RBFOX2: variants seen among roughly 807,000 people sequenced by gnomAD.
RBFOX2 encodes the protein RNA binding fox-1 homolog 2.
In RBFOX2, 10 loss-of-function variants were observed where a neutral mutation model predicts 49.1. The ratio of observed to expected loss-of-function variants is 0.20; its 90% CI spans 0.13 to 0.35. The LOEUF is 0.35. Ranked by LOEUF, RBFOX2 falls within the 10% of genes least tolerant of loss-of-function variation. The pLI is 1.00. For missense variants in RBFOX2, 323 were observed against 486.9 expected (o/e 0.66, Z 3.17); for synonymous variants, 183 against 187.4 (o/e 0.98, Z 0.19).
intron 1 of RBFOX2, among the ~76,000 whole-genome samples, chr22:36,014,098 G>A (rs1171273378): frequency 2.0e-5 from 3 of 151,650 alleles, no homozygotes; most frequent in Non-Finnish European, 4.4e-5. Flanking sequence ...TGGGGCATGG[G>A]CAGGATGATA....
intron 6 of RBFOX2, among the ~76,000 whole-genome samples, 193 bp from the exon 8 acceptor site, chr22:35,761,661 G>A (rs1938924575): frequency 1.3e-5 from 2 of 152,118 alleles, no homozygotes; most frequent in Admixed American, 6.6e-5. Flanking sequence ...AGATAATGAG[G>A]GGCTGGGGCT....
chr22:35,777,131 C>T (rs1381240685), intron 4 of RBFOX2, among the ~76,000 whole-genome samples: 1 of 151,876 alleles, frequency 6.6e-6, no homozygotes, highest in African/African-American at 2.4e-5. Context: ...CCTGCCTCAG[C>T]CTCCCGAGTA....
At chr22:35,983,483 C>G (rs1026930348) in intron 1 of RBFOX2, among the ~76,000 whole-genome samples, 1 of 152,006 alleles carries the variant, frequency 6.6e-6, no homozygotes, top group Non-Finnish European at 1.5e-5. Context: ...ATAATAATTA[C>G]TTTTAGGAGA....
intron 2 of RBFOX2, among the ~76,000 whole-genome samples, chr22:35,802,225 G>A (rs770535768): frequency 5.3e-5 from 8 of 152,074 alleles, no homozygotes; most frequent in African/African-American, 1.2e-4. Flanking sequence ...ACTGAAAATG[G>A]TAGCAATAAA....
At chr22:35,959,884 G>A (rs1044223999) in intron 1 of RBFOX2, among the ~76,000 whole-genome samples, 3 of 152,144 alleles carry the variant, frequency 2.0e-5, no homozygotes, top group Non-Finnish European at 2.9e-5. Flanking sequence ...TAATAGCACA[G>A]TATTTACATA....
intron 1 of RBFOX2, among the ~76,000 whole-genome samples, chr22:35,852,957 G>T (rs2148996276): frequency 1.3e-5 from 2 of 152,234 alleles, no homozygotes; most frequent in Middle Eastern, 6.8e-3. Context: ...AATTCTTCTA[G>T]ACTATACATA....
At chr22:35,832,264 T>C (rs756821300) in intron 1 of RBFOX2, among the ~76,000 whole-genome samples, 8 of 151,874 alleles carry the variant, frequency 5.3e-5, no homozygotes, top group Non-Finnish European at 1.2e-4. Flanking sequence ...TCCCAGCTAC[T>C]TGGGAGGCTG....
At chr22:36,028,081 C>T (rs891978210) in intron 1 of RBFOX2, among the ~76,000 whole-genome samples, 159 bp downstream of exon 1, 18 of 152,248 alleles carry the variant, frequency 1.2e-4, no homozygotes, top group South Asian at 2.1e-4. Flanking sequence ...CGTTCCTAGC[C>T]CGAGCTCGCC....
intron 2 of RBFOX2, among the ~76,000 whole-genome samples, chr22:35,792,325 AAAAAAAAAAGAAAAGAAAAG>A: frequency 7.3e-6 from 1 of 137,208 alleles, no homozygotes; most frequent in Middle Eastern, 3.5e-3. Context: ...CAAAAAAAAA[AAAAAAAAAAGAAAAGAAAAG>A]AAAAGAAAAG....
chr22:35,919,170 T>C (rs1010705748), intron 1 of RBFOX2, among the ~76,000 whole-genome samples: 1 of 152,188 alleles, frequency 6.6e-6, no homozygotes, highest in African/African-American at 2.4e-5. Context: ...GTATACAGAA[T>C]AGGCAAAATC....
At chr22:35,898,416 A>G in intron 1 of RBFOX2, 3 of 376,276 alleles carry the variant, frequency 8.0e-6, no homozygotes, top group South Asian at 6.2e-5. Context: ...TTCTCCCACA[A>G]TCCTTTTTTT....
intron 1 of RBFOX2, among the ~76,000 whole-genome samples, chr22:35,932,764 C>A (rs2052577929): frequency 6.6e-6 from 1 of 152,098 alleles, no homozygotes; most frequent in Non-Finnish European, 1.5e-5. Flanking sequence ...GTCTGTAATC[C>A]CAGCTACTCA....
At chr22:36,007,284 CATA>C (rs1415461532) in intron 1 of RBFOX2, among the ~76,000 whole-genome samples, 7 of 151,100 alleles carry the variant, frequency 4.6e-5, no homozygotes, top group African/African-American at 9.7e-5. Context: ...AATATAAATA[CATA>C]ATAAGTAAAT....
intron 4 of RBFOX2, among the ~76,000 whole-genome samples, chr22:35,774,540 C>A (rs118074967): frequency 2.6e-5 from 4 of 152,032 alleles, no homozygotes; most frequent in African/African-American, 9.7e-5. Flanking sequence ...GACTAAAATT[C>A]ACATGAAATA....
chr22:36,016,657 G>A lies in RBFOX2; in HGVS notation c.186+11583C>T, dbSNP rs563164658. On this transcript the variant is annotated intron_variant, in intron 1 of 13. Coordinates refer to the RBFOX2 transcript ENST00000438146. ...GACCTAAGTCCCTAAGAAAACCCAC[G>A]TCTTATGGCTGAACACACCCATGTG... is the stretch of plus-strand genomic sequence containing the variant. 4.6e-5 allele frequency among the ~76,000 whole-genome samples: 7 copies of A among 152,284 alleles called. No individual in the cohort carries two copies. The East Asian group carries it at 1.4e-3, about 29-fold the overall frequency.
intron 1 of RBFOX2, among the ~76,000 whole-genome samples, chr22:36,027,395 A>G (rs1370388663): frequency 6.6e-6 from 1 of 152,194 alleles, no homozygotes; most frequent in East Asian, 1.9e-4. Flanking sequence ...AAAGGTTTCA[A>G]GGTCTTCTTC....
intron 1 of RBFOX2, among the ~76,000 whole-genome samples, chr22:35,902,232 C>T (rs1236369509): frequency 1.3e-5 from 2 of 152,154 alleles, no homozygotes; most frequent in African/African-American, 4.8e-5. Flanking sequence ...GTCCTCCCAT[C>T]CCAACCACTT....
chr22:35,824,976 T>C (rs377352833), intron 1 of RBFOX2, among the ~76,000 whole-genome samples: 1 of 152,126 alleles, frequency 6.6e-6, no homozygotes. Context: ...TCCCAGCACT[T>C]TGGGAGGCCG....
chr22:35,799,760 C>T (rs1416578072), intron 2 of RBFOX2, among the ~76,000 whole-genome samples: 1 of 151,952 alleles, frequency 6.6e-6, no homozygotes, highest in Non-Finnish European at 1.5e-5. Flanking sequence ...CCAGCCAGAG[C>T]AAGACACAGG....
Sources: allele counts gnomAD v4.1 joint callset (sites outside exome capture counted in the v4.1 genomes callset), GRCh38; gene constraint gnomAD v4.1.1; transcripts MANE v1.5; gene names NCBI Gene and HGNC (gene_info 2026-07-23, HGNC 2026-07-21).